CNTLN: variants seen among roughly 807,000 people sequenced by gnomAD.
CNTLN encodes the protein centlein, centrosomal protein.
Under a neutral mutation model 180.0 loss-of-function variants are expected in CNTLN, and 212 were observed. The observed-to-expected ratio is 1.18, with a 90% CI of 1.05 to 1.32. CNTLN has a LOEUF of 1.32. CNTLN is among the 40% of genes most tolerant of loss of function. The probability of loss-of-function intolerance (pLI) is 0.00; values close to 1 mark genes in which losing one functional copy is unlikely to be tolerated. For missense variants in CNTLN, 2,095 were observed against 1,610.9 expected (o/e 1.30, Z -5.14); for synonymous variants, 722 against 563.1 (o/e 1.28, Z -3.99).
chr9:17,178,117 T>C (rs1231213308), intron 2 of CNTLN, among the ~76,000 whole-genome samples: 1 of 149,308 alleles, frequency 6.7e-6, no homozygotes, highest in African/African-American at 2.5e-5. Context: ...CTGATTGGTG[T>C]ATTTACAATA....
At chr9:17,468,436 A>G (rs1370498049) in intron 23 of CNTLN, among the ~76,000 whole-genome samples, 1 of 151,642 alleles carries the variant, frequency 6.6e-6, no homozygotes, top group African/African-American at 2.4e-5. Flanking sequence ...CATGATGTAG[A>G]ACCATTTTTA....
At chr9:17,528,318 C>A in the CNTLN span, among the ~76,000 whole-genome samples, 1 of 152,210 alleles carries the variant, frequency 6.6e-6, no homozygotes, top group Non-Finnish European at 1.5e-5. Flanking sequence ...ACTGTGTGTA[C>A]CTTCACATGC....
At position 17,502,969 on chromosome 9, in the gene CNTLN, G is replaced by C. The variant is rs1393048720; in HGVS notation, c.*317G>C. On this transcript the variant is annotated 3_prime_UTR_variant, in exon 26 of 26. Coordinates refer to ENST00000380647, the MANE Select transcript of CNTLN (RefSeq NM_017738.4). ...GCTTGGTACACACAAATTGGCCTGA[G>C]CATAAGAAGAAAAAGTATCAACTAA... 1.9e-5 allele frequency: 3 copies of C among 159,816 alleles called. No individual in the cohort carries two copies. Among genetic ancestry groups the C allele is most frequent in the Non-Finnish European group, 4.1e-5 (3 of 73,158 alleles). The allele number at this position is 159,816 out of a possible 1,614,324, so 9.9% of individuals were successfully genotyped here.
chr9:17,476,702 A>G (rs1832367878), intron 23 of CNTLN, among the ~76,000 whole-genome samples: 1 of 152,176 alleles, frequency 6.6e-6, no homozygotes, highest in Non-Finnish European at 1.5e-5. Flanking sequence ...TCTTCAAAGG[A>G]TGAGGGAGGT....
intron 2 of CNTLN, among the ~76,000 whole-genome samples, chr9:17,146,529 T>C (rs1273325502): frequency 6.6e-6 from 1 of 152,176 alleles, no homozygotes; most frequent in East Asian, 1.9e-4. Context: ...AGTGCCCTTA[T>C]AAAGGGGTTT....
rs113978606 is a variant in CNTLN at position 17,455,783 on chromosome 9, A to G, written c.3115-1741A>G. On this transcript the variant is annotated intron_variant, in intron 18 of 25. Coordinates refer to ENST00000380647, the MANE Select transcript of CNTLN (RefSeq NM_017738.4). ...GGGGAATGGCAGGCAGGTTTGGGGA[A>G]TGGCAGGCAGGTTTGGGGAGTGGCA... is the stretch of plus-strand genomic sequence containing the variant. Among the ~76,000 whole-genome samples, 421 of 133,814 alleles carry G rather than the reference A, an allele frequency of 3.1e-3. 1 individual carries two copies. Among genetic ancestry groups the G allele is most frequent in the African/African-American group, 0.013 (388 of 30,796 alleles). The allele number at this position is 133,814 out of a possible 152,430, so 87.8% of individuals were successfully genotyped here.
intron 12 of CNTLN, among the ~76,000 whole-genome samples, chr9:17,353,764 C>T (rs926747004): frequency 1.3e-5 from 2 of 152,000 alleles, no homozygotes; most frequent in Non-Finnish European, 2.9e-5. Flanking sequence ...TGAGAGGTGA[C>T]AGCGTGCTGG....
intron 12 of CNTLN, among the ~76,000 whole-genome samples, chr9:17,362,507 A>G (rs915715676): frequency 1.0e-5 from 1 of 97,848 alleles, no homozygotes; most frequent in Non-Finnish European, 2.4e-5. Flanking sequence ...AAGTGTAAAC[A>G]TTATTTTTTT....
chr9:17,274,860 T>C (rs1828209982), intron 6 of CNTLN, among the ~76,000 whole-genome samples: 1 of 152,052 alleles, frequency 6.6e-6, no homozygotes, highest in African/African-American at 2.4e-5. Flanking sequence ...GTTTTGTAAA[T>C]TTAAATATGC....
Position 17,462,930 on chromosome 9 carries a change from A to T in CNTLN, c.3321A>T (p.Glu1107Asp), listed in dbSNP as rs764889133. 2.6e-6 allele frequency: 4 copies of T among 1,552,742 alleles called. No individual in the cohort carries two copies. Among genetic ancestry groups the T allele is most frequent in the Non-Finnish European group, 3.5e-6 (4 of 1,151,524 alleles). The part of the protein sequence containing the change: ...LQYKLKNATN[E>D]LTKQSSNVKT... ...TTTTAATCTAGAATGCTACTAATGA[A>T]CTCACTAAACAGTCATCAAATGTGA... is the stretch of plus-strand genomic sequence containing the variant. Residue 1107 changes from glutamate to aspartate, a missense_variant, in exon 20 of 26, where the codon GAA becomes GAT. By Grantham distance (45) the Glu-to-Asp change is conservative (BLOSUM62 2). Coordinates refer to ENST00000380647, the MANE Select transcript of CNTLN (RefSeq NM_017738.4).
chr9:17,236,619 C>G (rs751752024), intron 5 of CNTLN, 31 bp downstream of exon 5: 1 of 1,531,826 alleles, frequency 6.5e-7, no homozygotes, highest in Non-Finnish European at 8.8e-7. Context: ...CCATACTCCT[C>G]TTTTGGATCT....
At chr9:17,321,610 T>G (rs1819917867) in intron 8 of CNTLN, among the ~76,000 whole-genome samples, 2 of 152,208 alleles carry the variant, frequency 1.3e-5, no homozygotes, top group Admixed American at 1.3e-4. Context: ...GTTAGCTTTA[T>G]TTTCTTGCCA....
chr9:17,144,682 T>C (rs1000594180), intron 2 of CNTLN, among the ~76,000 whole-genome samples: 16 of 151,720 alleles, frequency 1.1e-4, no homozygotes, highest in African/African-American at 3.9e-4. Context: ...TAAATGTACG[T>C]ATGTATATTA....
chr9:17,239,133 G>C (rs532785126), intron 5 of CNTLN, among the ~76,000 whole-genome samples: 2 of 152,192 alleles, frequency 1.3e-5, no homozygotes, highest in African/African-American at 4.8e-5. Context: ...TGCCTTCCCG[G>C]GTTCAAGCTA....
At chr9:17,170,571 CT>C (rs1459646236) in intron 2 of CNTLN, among the ~76,000 whole-genome samples, 4 of 151,998 alleles carry the variant, frequency 2.6e-5, no homozygotes, top group African/African-American at 9.7e-5. Flanking sequence ...ACAGATTCTT[CT>C]GCTTGATTAA....
chr9:17,415,374 A>G (rs1828146428), intron 16 of CNTLN, among the ~76,000 whole-genome samples: 1 of 152,146 alleles, frequency 6.6e-6, no homozygotes, highest in Non-Finnish European at 1.5e-5. Context: ...AATTATTCAC[A>G]TTTTACTTTT....
chr9:17,462,991 C>T lies in CNTLN; in HGVS notation c.3382C>T (p.His1128Tyr), dbSNP rs760596910. 4 of 1,582,836 alleles carry T rather than the reference C, an allele frequency of 2.5e-6. No homozygotes were observed. In the South Asian group the frequency reaches 4.6e-5, roughly 18 times the overall value. Reference protein sequence around the residue: ...LKFELLAKEEHIKEMHEKISR... With the variant: ...LKFELLAKEEYIKEMHEKISR... ...ATTTGAACTCCTAGCAAAAGAAGAACACATAAAGGAAATGCATGAAAAGTA... is the reference window on the plus strand; with the variant it reads ...ATTTGAACTCCTAGCAAAAGAAGAATACATAAAGGAAATGCATGAAAAGTA... The change falls in exon 20 of 26, where the codon CAC becomes TAC. Residue 1128 changes from histidine to tyrosine, a missense_variant. His to Tyr is a moderately conservative substitution (Grantham distance 83, BLOSUM62 2). Transcript: ENST00000380647.
chr9:17,269,478 C>T (rs1238852962), intron 5 of CNTLN, among the ~76,000 whole-genome samples: 1 of 151,982 alleles, frequency 6.6e-6, no homozygotes, highest in African/African-American at 2.4e-5. Flanking sequence ...TTTTATTTGT[C>T]TCAAGGTATT....
chr9:17,165,022 T>G (rs1044080933), intron 2 of CNTLN, among the ~76,000 whole-genome samples: 1 of 151,232 alleles, frequency 6.6e-6, no homozygotes, highest in African/African-American at 2.4e-5. Context: ...GTATTTTTAG[T>G]AGAGATGGGG....
Sources: allele counts gnomAD v4.1 joint callset (sites outside exome capture counted in the v4.1 genomes callset), GRCh38; gene constraint gnomAD v4.1.1; transcripts MANE v1.5; gene names NCBI Gene and HGNC (gene_info 2026-07-23, HGNC 2026-07-21).